Variants in CCT3 observed in about 807,000 individuals in gnomAD.
The protein encoded by CCT3 is chaperonin containing TCP1 subunit 3.
Under a neutral mutation model 65.3 loss-of-function variants are expected in CCT3, and 10 were observed. That is an observed-to-expected ratio of 0.15 (90% confidence interval 0.09 to 0.26). The LOEUF is 0.26. CCT3 is among the 10% of genes least tolerant of loss of function. The pLI is 1.00. For synonymous variants in CCT3, 225 were observed against 242.3 expected (o/e 0.93, Z 0.66); for missense variants, 626 against 708.7 (o/e 0.88, Z 1.33).
chr1:156,327,890 C>A, intron 5 of CCT3, among the ~76,000 whole-genome samples: 1 of 145,572 alleles, frequency 6.9e-6, no homozygotes, highest in East Asian at 2.0e-4. Context: ...GGGAGCACCT[C>A]TGCCCCACCG....
intron 6 of CCT3, among the ~76,000 whole-genome samples, chr1:156,322,525 AAGTGTTCT>A (rs1664601253): frequency 6.6e-6 from 1 of 151,904 alleles, no homozygotes; most frequent in East Asian, 1.9e-4. Flanking sequence ...AATAAGATTA[AAGTGTTCT>A]AGGTAGGCAG....
chr1:156,330,639 G>A (rs1180762160), intron 5 of CCT3, among the ~76,000 whole-genome samples: 1 of 152,004 alleles, frequency 6.6e-6, no homozygotes, highest in Admixed American at 6.6e-5. Flanking sequence ...TTTAGCTTGG[G>A]CTACAGAGTG....
Position 156,336,079 on chromosome 1 carries a change from T to C in CCT3, c.32-191A>G, listed in dbSNP as rs141949423. The C allele has an allele frequency of 3.6e-4, 173 of 481,398 alleles. 2 individuals carry two copies. Among genetic ancestry groups the C allele is most frequent in the African/African-American group, 1.6e-3 (84 of 51,238 alleles). The allele number at this position is 481,398 out of a possible 1,614,324, so 29.8% of individuals were successfully genotyped here. A position where few individuals can be genotyped will look rare whatever the true frequency, so the allele number is the denominator to read the frequency against. On this transcript the variant is annotated intron_variant, in intron 1 of 13. Coordinates refer to ENST00000295688, the MANE Select transcript of CCT3 (RefSeq NM_005998.5). ...ACCATATCTCAAAAAACTGTAAACA[T>C]ATGTCCTTATGGCTGTTAACTTCCT... is the stretch of plus-strand genomic sequence containing the variant.
intron 5 of CCT3, among the ~76,000 whole-genome samples, chr1:156,328,724 G>A (rs1021526931): frequency 6.6e-5 from 10 of 152,028 alleles, no homozygotes; most frequent in Non-Finnish European, 1.0e-4. Flanking sequence ...CACTGCGGAA[G>A]GCAGCAGGGT....
intron 10 of CCT3, among the ~76,000 whole-genome samples, chr1:156,316,933 A>T (rs1362103619): frequency 1.3e-5 from 2 of 152,218 alleles, no homozygotes; most frequent in Non-Finnish European, 1.5e-5. Flanking sequence ...TAGCAATTAC[A>T]AATGTCTAAG....
rs1335571310 is a variant in CCT3 at position 156,312,219 on chromosome 1, G to A, written c.977C>T (p.Ala326Val). 6.2e-7 allele frequency: 1 copy of A among 1,613,506 alleles called. No individual in the cohort carries two copies. Among genetic ancestry groups the A allele is most frequent in the Non-Finnish European group, 8.5e-7 (1 of 1,179,778 alleles). ...TCGGCTGACTATCCGGGCCCCACAGGCTCTAATGGACGGAAGAGGTGGGGA... is the reference window on the plus strand; with the variant it reads ...TCGGCTGACTATCCGGGCCCCACAGACTCTAATGGACGGAAGAGGTGGGGA... ...RKTDNNRIAR[A>V]CGARIVSRPE... is the part of the protein sequence containing the mutation. Residue 326 changes from alanine (A) to valine (V), a missense_variant and splice_region_variant, in exon 11 of 14, where the codon GCC becomes GTC. Physicochemically the swap from Ala to Val is moderately conservative, Grantham distance 64. Transcript: ENST00000295688.
intron 6 of CCT3, 74 bp downstream of exon 6, chr1:156,324,898 A>G (rs1417543903): frequency 1.0e-6 from 1 of 989,406 alleles, no homozygotes; most frequent in Non-Finnish European, 1.6e-6. Context: ...AAGTGCTGGG[A>G]TGACAGCCAT....
At chr1:156,327,682 G>A (rs1369504518) in intron 5 of CCT3, among the ~76,000 whole-genome samples, 25 of 151,864 alleles carry the variant, frequency 1.6e-4, no homozygotes, top group African/African-American at 5.6e-4. Flanking sequence ...CCAAAGAGCC[G>A]AGATTGCAGC....
intron 5 of CCT3, 78 bp downstream of exon 5, chr1:156,333,469 T>C (rs1665199162): frequency 2.0e-6 from 2 of 1,001,184 alleles, no homozygotes; most frequent in Non-Finnish European, 3.2e-6. Flanking sequence ...AGTGGATCTG[T>C]AACAGAATTT....
intron 5 of CCT3, 108 bp from the exon 6 acceptor site, chr1:156,325,197 A>T: frequency 1.2e-6 from 1 of 800,326 alleles, no homozygotes; most frequent in Non-Finnish European, 2.1e-6. Flanking sequence ...CTCTCCCAAA[A>T]GGTATGACAT....
At chr1:156,325,617 G>A (rs970223570) in intron 5 of CCT3, among the ~76,000 whole-genome samples, 3 of 144,702 alleles carry the variant, frequency 2.1e-5, no homozygotes, top group South Asian at 2.2e-4. Flanking sequence ...TCGCTGTGTC[G>A]CCCAGGCTGG....
chr1:156,321,929 T>C (rs1227182112), intron 6 of CCT3, among the ~76,000 whole-genome samples: 1 of 152,138 alleles, frequency 6.6e-6, no homozygotes, highest in East Asian at 1.9e-4. Flanking sequence ...TTATGGACTT[T>C]TGGGAAGAAG....
Position 156,317,425 on chromosome 1 carries a change from CT to C in CCT3, c.881del (p.Lys294ArgfsTer6). ...GTAACAAAGTCCCACCTGAGATGCC[CT>C]TTTCAGTGATGACCACATCGGGCTT... ...QLKPDVVITE[K>X]GISDLAQHYL... is the part of the protein sequence containing the mutation. On this transcript the variant is annotated frameshift_variant, in exon 9 of 14. Coordinates refer to ENST00000295688, the MANE Select transcript of CCT3 (RefSeq NM_005998.5). LOFTEE classifies it high-confidence loss of function. The C allele has an allele frequency of 1.9e-6, 3 of 1,610,076 alleles. No individual in the cohort carries two copies. The highest frequency in any genetic ancestry group is 2.5e-6 in the Non-Finnish European group (3 of 1,176,668).
intron 6 of CCT3, among the ~76,000 whole-genome samples, chr1:156,323,872 C>G (rs1405247378): frequency 2.6e-5 from 4 of 152,060 alleles, no homozygotes; most frequent in Non-Finnish European, 5.9e-5. Context: ...AAGTGATTCT[C>G]CTGCTTCAGC....
intron 12 of CCT3, 42 bp from the exon 13 acceptor site, chr1:156,310,731 G>C: frequency 1.2e-6 from 2 of 1,606,684 alleles, no homozygotes; most frequent in Non-Finnish European, 1.7e-6. Context: ...TAAGTTAACA[G>C]GAAACATCAG....
intron 8 of CCT3, 58 bp from the exon 9 acceptor site, chr1:156,317,605 G>T: frequency 1.3e-6 from 2 of 1,542,466 alleles, no homozygotes; most frequent in Non-Finnish European, 1.8e-6. Context: ...AAGCTCTAAG[G>T]GTCATATTAT....
At chr1:156,317,082 C>G in intron 10 of CCT3, 84 bp downstream of exon 10, 1 of 1,217,350 alleles carries the variant, frequency 8.2e-7, no homozygotes, top group Non-Finnish European at 1.2e-6. Context: ...TTTATTAAAC[C>G]TTTTCAGGTA....
At chr1:156,330,624 T>C (rs1665063689) in intron 5 of CCT3, among the ~76,000 whole-genome samples, 1 of 151,998 alleles carries the variant, frequency 6.6e-6, no homozygotes, top group African/African-American at 2.4e-5. Context: ...ATGATGCCAC[T>C]GCACTTTAGC....
At chr1:156,316,335 C>T (rs529940541) in intron 10 of CCT3, among the ~76,000 whole-genome samples, 3 of 152,166 alleles carry the variant, frequency 2.0e-5, no homozygotes, top group East Asian at 1.9e-4. Flanking sequence ...TTCAAGGGGG[C>T]GGGGATCCTA....
Sources: gnomAD v4.1 joint callset for allele counts (sites outside exome capture counted in the v4.1 genomes callset) on GRCh38, gnomAD v4.1.1 for gene constraint, MANE v1.5 for transcripts, NCBI Gene and HGNC (gene_info 2026-07-23, HGNC 2026-07-21) for gene names.